Variants in MYCBPAP observed in about 807,000 individuals in gnomAD.
The protein encoded by MYCBPAP is MYCBP-associated protein.
MYCBPAP carries 60 observed loss-of-function variants against 106.1 expected under a neutral mutation model. The observed-to-expected ratio is 0.57, with a 90% confidence interval of 0.46 to 0.70. The LOEUF (loss-of-function observed/expected upper bound fraction) is 0.70. MYCBPAP is among the 30% of genes least tolerant of loss of function. MYCBPAP has a pLI of 0.00. For missense variants in MYCBPAP, 1,064 were observed against 1,169.3 expected (o/e 0.91, Z 1.31); for synonymous variants, 407 against 440.6 (o/e 0.92, Z 0.95).
intron 7 of MYCBPAP, 92 bp downstream of exon 7, chr17:50,519,879 C>A (rs911171039): frequency 1.4e-6 from 2 of 1,418,316 alleles, no homozygotes; most frequent in South Asian, 1.3e-5. Flanking sequence ...TACAGTGAAA[C>A]AGGCCCAGGG....
In MYCBPAP at chr17:50,528,249, T is replaced by G; in HGVS notation, c.2386T>G (p.Leu796Val). The change falls in exon 16 of 19, where the codon TTG becomes GTG. Residue 796 changes from leucine to valine, a missense_variant. Coordinates refer to ENST00000323776, the MANE Select transcript of MYCBPAP (RefSeq NM_032133.6). ...CCTGCCTGAGAAGGAGACCATCTAT[T>G]TGAATGTGCCTGAAGAGCAAGGTCA... ...LGLPEKETIY[L>V]NVPEEQDQKS... 1.9e-6 allele frequency: 3 copies of G among 1,613,932 alleles called. No individual in the cohort carries two copies. The highest frequency in any genetic ancestry group is 2.5e-6 in the Non-Finnish European group (3 of 1,179,930).
intron 14 of MYCBPAP, among the ~76,000 whole-genome samples, chr17:50,526,962 G>A (rs1005727863): frequency 1.3e-4 from 20 of 152,268 alleles, no homozygotes; most frequent in Non-Finnish European, 2.5e-4. Flanking sequence ...TGATCCGCCC[G>A]CCTCAGCCTC....
chr17:50,522,873 C>A (rs2034326003), intron 10 of MYCBPAP, 66 bp from the exon 11 acceptor site: 2 of 1,514,164 alleles, frequency 1.3e-6, no homozygotes, highest in African/African-American at 1.4e-5. Flanking sequence ...CTGGGCAGAC[C>A]AGATGAGTTG....
intron 13 of MYCBPAP, 200 bp downstream of exon 13, chr17:50,525,223 A>G (rs2034419065): frequency 1.7e-6 from 1 of 575,084 alleles, no homozygotes. Context: ...AGGGATGGAA[A>G]TTGTACACTC....
At chr17:50,525,160 G>A (rs920057369) in intron 13 of MYCBPAP, 137 bp downstream of exon 13, 29 of 1,048,298 alleles carry the variant, frequency 2.8e-5, no homozygotes, top group African/African-American at 9.6e-5. Context: ...TCAGATCAGC[G>A]GTGGCATTAG....
intron 7 of MYCBPAP, 185 bp downstream of exon 7, chr17:50,519,972 A>G (rs2034200428): frequency 3.2e-6 from 2 of 615,862 alleles, no homozygotes; most frequent in Non-Finnish European, 5.4e-6. Context: ...TTTCTTCAGT[A>G]AAACGGTGAG....
chr17:50,519,160 G>A, intron 6 of MYCBPAP, 71 bp downstream of exon 6: 1 of 1,109,790 alleles, frequency 9.0e-7, no homozygotes, highest in South Asian at 1.4e-5. Context: ...CAGGTGTCTG[G>A]ACACAGGGAT....
chr17:50,528,153 A>G lies in MYCBPAP; in HGVS notation c.2292-2A>G. 6.2e-7 allele frequency: 1 copy of G among 1,613,414 alleles called. No homozygotes were observed. The highest frequency in any genetic ancestry group is 8.5e-7 in the Non-Finnish European group (1 of 1,179,478). Reference sequence around the variant, plus strand: ...ATTTCTCCACTGTGTCTTGCCCTCTAGTTTGCAGCTGTGGCGAGATGTGAT... The same window carrying G: ...ATTTCTCCACTGTGTCTTGCCCTCTGGTTTGCAGCTGTGGCGAGATGTGAT... On this transcript the variant is annotated splice_acceptor_variant, in intron 15 of 18. Coordinates refer to ENST00000323776, the MANE Select transcript of MYCBPAP (RefSeq NM_032133.6). LOFTEE classifies it high-confidence loss of function.
At chr17:50,518,821 C>T in intron 5 of MYCBPAP, 97 bp downstream of exon 5, 1 of 1,506,288 alleles carries the variant, frequency 6.6e-7, no homozygotes, top group Non-Finnish European at 9.1e-7. Flanking sequence ...TTGGGCTGAC[C>T]ACATTTGTGC....
chr17:50,523,686 A>C lies in MYCBPAP; in HGVS notation c.1537A>C (p.Thr513Pro), dbSNP rs1457546632. ...GVFREFWEFR[T>P]HPTLLGGAIL... ...CTTCAGGGAATTTTGGGAGTTTCGA[A>C]CCCATCCTACTCTATTAGGAGGTGC... The change falls in exon 12 of 19, where the codon ACC (threonine) becomes CCC (proline). Residue 513 changes from threonine to proline, a missense_variant. Coordinates refer to ENST00000323776, the MANE Select transcript of MYCBPAP (RefSeq NM_032133.6). 2.5e-6 allele frequency: 4 copies of C among 1,614,006 alleles called. No individual in the cohort carries two copies. The highest frequency in any genetic ancestry group is 2.2e-5 in the East Asian group (1 of 44,896).
chr17:50,526,366 C>A, intron 14 of MYCBPAP, 99 bp downstream of exon 14: 1 of 1,230,460 alleles, frequency 8.1e-7, no homozygotes, highest in Non-Finnish European at 1.1e-6. Flanking sequence ...GGCAAAGAAA[C>A]AAAACCTGAG....
intron 1 of MYCBPAP, chr17:50,509,284 T>G: frequency 1.6e-6 from 1 of 638,714 alleles, no homozygotes; most frequent in South Asian, 1.7e-5. Flanking sequence ...TCTTTTTGAC[T>G]GCCTTTTCCT....
At position 50,523,695 on chromosome 17, in the gene MYCBPAP, A is replaced by T; in HGVS notation, c.1546A>T (p.Thr516Ser). 1 of 1,613,892 alleles carries T rather than the reference A, an allele frequency of 6.2e-7. No homozygotes were observed. Among genetic ancestry groups the T allele is most frequent in the Non-Finnish European group, 8.5e-7 (1 of 1,179,958 alleles). Reference sequence around the variant, plus strand: ...ATTTTGGGAGTTTCGAACCCATCCTACTCTATTAGGAGGTGCTATACTGCA... The same window carrying T: ...ATTTTGGGAGTTTCGAACCCATCCTTCTCTATTAGGAGGTGCTATACTGCA... ...REFWEFRTHP[T>S]LLGGAILQVN... The change falls in exon 12 of 19, where the codon ACT (threonine) becomes TCT (serine). Residue 516 changes from threonine (T) to serine (S), a missense_variant. By Grantham distance (58) the Thr-to-Ser change is moderately conservative. Transcript: ENST00000323776.
At position 50,529,046 on chromosome 17, in the gene MYCBPAP, C is replaced by T. The variant is rs2034551959; in HGVS notation, c.2582C>T (p.Ala861Val). The T allele has an allele frequency of 6.2e-7, 1 of 1,613,968 alleles. No individual in the cohort carries two copies. The highest frequency in any genetic ancestry group is 1.3e-5 in the African/African-American group (1 of 74,898). The change falls in exon 18 of 19, where the codon GCA (alanine) becomes GTA (valine). Residue 861 changes from alanine to valine, a missense_variant. Transcript: ENST00000323776. ...CGTCCCAACAGCAAGAAGCACAAGG[C>T]AAAGGATGACAAGAAAGTCATAAAA... ...EDRPNSKKHKAKDDKKVIKSA... is the reference protein window; with the variant it reads ...EDRPNSKKHKVKDDKKVIKSA...
chr17:50,527,354 T>A lies in MYCBPAP; in HGVS notation c.2237T>A (p.Leu746Gln). The change falls in exon 15 of 19, where the codon CTG becomes CAG. Residue 746 changes from leucine to glutamine, a missense_variant. Physicochemically the swap from Leu to Gln is moderately radical, Grantham distance 113. Transcript: ENST00000323776. ...TTGATGAGGCTCAACAAAGCAGCCC[T>A]GGAGCTGTGCCAGAAGCCAAGGCCA... ...DALMRLNKAA[L>Q]ELCQKPRPLQ... is the part of the protein sequence containing the mutation. 3 of 1,614,062 alleles carry A rather than the reference T, an allele frequency of 1.9e-6. No individual in the cohort carries two copies. The highest frequency in any genetic ancestry group is 2.5e-6 in the Non-Finnish European group (3 of 1,179,982).
At chr17:50,522,588 G>A (rs2034298322) in intron 10 of MYCBPAP, 1 of 150,964 alleles carries the variant, frequency 6.6e-6, no homozygotes, top group Non-Finnish European at 1.5e-5. Flanking sequence ...CTGCTACTTG[G>A]AAAGCTGAGG....
rs1283690058 is a variant in MYCBPAP at position 50,526,104 on chromosome 17, G to A, written c.2006G>A (p.Gly669Glu). ...RPENEALRES[G>E]SQKARVGTKS... ...GAGAACGAGGCCCTCAGGGAATCCG[G>A]GTCCCAGAAGGCCAGAGTGGGGACC... The change falls in exon 14 of 19, where the codon GGG (glycine) becomes GAG (glutamate). Residue 669 changes from glycine (G) to glutamate (E), a missense_variant. Coordinates refer to ENST00000323776, the MANE Select transcript of MYCBPAP (RefSeq NM_032133.6). 15 of 1,613,864 alleles carry A rather than the reference G, an allele frequency of 9.3e-6. No individual in the cohort carries two copies. Among genetic ancestry groups the A allele is most frequent in the Non-Finnish European group, 1.2e-5 (14 of 1,180,034 alleles).
intron 15 of MYCBPAP, among the ~76,000 whole-genome samples, chr17:50,527,669 AAGG>A (rs1212565728): frequency 1.3e-5 from 2 of 152,172 alleles, no homozygotes; most frequent in African/African-American, 4.8e-5. Flanking sequence ...GGAATGGAAA[AAGG>A]AGAAGCCAGA....
chr17:50,514,062 A>C (rs1248890688), intron 1 of MYCBPAP, among the ~76,000 whole-genome samples: 2 of 152,222 alleles, frequency 1.3e-5, no homozygotes, highest in African/African-American at 2.4e-5. Context: ...AGAAAAACAA[A>C]AATTATTTTT....
Sources: gnomAD v4.1 joint callset for allele counts (sites outside exome capture counted in the v4.1 genomes callset) on GRCh38, gnomAD v4.1.1 for gene constraint, MANE v1.5 for transcripts, NCBI Gene and HGNC (gene_info 2026-07-23, HGNC 2026-07-21) for gene names.